SSBP2: variants seen among roughly 807,000 people sequenced by gnomAD.
SSBP2 encodes the protein single-stranded DNA-binding protein 2.
SSBP2 carries 17 observed loss-of-function variants against 61.8 expected under a neutral mutation model. That is an observed-to-expected ratio of 0.28 (90% CI 0.19 to 0.41). The LOEUF is 0.41. Among genes scored for constraint, SSBP2 ranks in the 10% least tolerant of loss-of-function variants. SSBP2 has a pLI of 1.00. For missense variants in SSBP2, 310 were observed against 458.7 expected (o/e 0.68, Z 2.96); for synonymous variants, 139 against 141.3 (o/e 0.98, Z 0.12).
At chr5:81,595,695 A>G (rs1743659507) in intron 4 of SSBP2, among the ~76,000 whole-genome samples, 1 of 152,224 alleles carries the variant, frequency 6.6e-6, no homozygotes, top group Non-Finnish European at 1.5e-5. Context: ...ACATATGCAA[A>G]TCAATAAATG....
intron 4 of SSBP2, among the ~76,000 whole-genome samples, chr5:81,602,145 A>T (rs1744427106): frequency 6.6e-6 from 1 of 152,044 alleles, no homozygotes; most frequent in East Asian, 1.9e-4. Context: ...CCTTTTCCAT[A>T]AAAAAAGTAG....
intron 4 of SSBP2, among the ~76,000 whole-genome samples, chr5:81,586,831 C>A (rs1178914404): frequency 6.6e-6 from 1 of 151,770 alleles, no homozygotes. Context: ...CACCTGCTTC[C>A]CTCTAGGAGT....
chr5:81,530,786 T>C (rs1400155186), intron 4 of SSBP2, among the ~76,000 whole-genome samples: 1 of 152,138 alleles, frequency 6.6e-6, no homozygotes, highest in Non-Finnish European at 1.5e-5. Flanking sequence ...AGGTGCACAG[T>C]AGCTGTTATA....
chr5:81,728,464 T>C (rs907224417), intron 1 of SSBP2, among the ~76,000 whole-genome samples: 5 of 152,212 alleles, frequency 3.3e-5, no homozygotes, highest in Admixed American at 1.3e-4. Context: ...ATAGAGAACA[T>C]TGGTCGAGGA....
intron 16 of SSBP2, among the ~76,000 whole-genome samples, chr5:81,422,205 G>A (rs532703009): frequency 1.1e-4 from 16 of 152,266 alleles, no homozygotes; most frequent in African/African-American, 2.4e-4. Flanking sequence ...AGGCGAGCAC[G>A]AACTTTTCAG....
chr5:81,678,811 A>G (rs915962093), intron 1 of SSBP2, among the ~76,000 whole-genome samples: 1 of 152,148 alleles, frequency 6.6e-6, no homozygotes, highest in African/African-American at 2.4e-5. Flanking sequence ...AGAATTCTAT[A>G]TCCTGTGAAA....
rs190969336 is a variant in SSBP2 at position 81,641,406 on chromosome 5, T to C, written c.136-4788A>G. Among the ~76,000 whole-genome samples, 317 of 152,314 alleles carry C rather than the reference T, an allele frequency of 2.1e-3. 2 individuals are homozygous for C. Among genetic ancestry groups the C allele is most frequent in the African/African-American group, 7.4e-3 (306 of 41,558 alleles). ...CATGCTCACAATATTTTTTACTACA[T>C]AGTATTCATCCTTCTCTCCTTAAAT... is the stretch of plus-strand genomic sequence containing the variant. On this transcript the variant is annotated intron_variant, in intron 2 of 16. Transcript: ENST00000320672.
At chr5:81,548,590 C>T (rs78435112) in intron 4 of SSBP2, among the ~76,000 whole-genome samples, 10,236 of 152,098 alleles carry the variant, frequency 0.067, 394 homozygotes, top group Middle Eastern at 0.11. Flanking sequence ...CCTCTTCTCC[C>T]GCGAACTTAC....
intron 4 of SSBP2, among the ~76,000 whole-genome samples, chr5:81,569,258 C>G (rs1242952673): frequency 6.6e-6 from 1 of 152,140 alleles, no homozygotes; most frequent in East Asian, 1.9e-4. Context: ...CCACCACAAT[C>G]AAGACATAAA....
chr5:81,500,500 C>T (rs1043164363), intron 5 of SSBP2, among the ~76,000 whole-genome samples: 4 of 151,616 alleles, frequency 2.6e-5, no homozygotes, highest in Admixed American at 6.6e-5. Flanking sequence ...CTCACTCTGT[C>T]GCCAGGCTGG....
intron 4 of SSBP2, among the ~76,000 whole-genome samples, chr5:81,515,067 T>G (rs188987848): frequency 1.3e-5 from 2 of 152,050 alleles, no homozygotes; most frequent in Non-Finnish European, 2.9e-5. Context: ...TATTGCTCTA[T>G]TGAGCTTTAT....
chr5:81,678,394 T>C (rs1162131677), intron 1 of SSBP2, among the ~76,000 whole-genome samples: 1 of 151,324 alleles, frequency 6.6e-6, no homozygotes, highest in Non-Finnish European at 1.5e-5. Flanking sequence ...AAAAAATAAA[T>C]AAAAAGAACA....
intron 7 of SSBP2, 152 bp downstream of exon 7, chr5:81,474,344 G>A (rs1331883708): frequency 1.6e-6 from 1 of 620,468 alleles, no homozygotes; most frequent in South Asian, 2.0e-5. Flanking sequence ...TAAGTGAGCT[G>A]GAAATATAAA....
chr5:81,612,608 A>G (rs1745560126), intron 4 of SSBP2, among the ~76,000 whole-genome samples: 1 of 152,098 alleles, frequency 6.6e-6, no homozygotes, highest in Non-Finnish European at 1.5e-5. Flanking sequence ...TTATGTGTCA[A>G]TATTCATTCA....
At chr5:81,513,889 G>A (rs1236777133) in intron 4 of SSBP2, among the ~76,000 whole-genome samples, 172 bp from the exon 5 acceptor site, 1 of 152,132 alleles carries the variant, frequency 6.6e-6, no homozygotes, top group Non-Finnish European at 1.5e-5. Flanking sequence ...TATATGACTG[G>A]TTAAATTAGT....
At position 81,466,982 on chromosome 5, in the gene SSBP2, T is replaced by G. The variant is rs769034279; in HGVS notation, c.630A>C (p.Gly210=). 6.2e-7 allele frequency: 1 copy of G among 1,605,888 alleles called. No individual in the cohort carries two copies. The highest frequency in any genetic ancestry group is 8.5e-7 in the Non-Finnish European group (1 of 1,173,880). The change falls in exon 9 of 17, where the codon GGA becomes GGC. Residue 210 remains glycine, a synonymous_variant. Transcript: ENST00000320672. ...GATATAACATTGCTTACATGTTCAT[T>G]CCAGGCATTCCAGGGCCACCTAAAG... is the stretch of plus-strand genomic sequence containing the variant.
chr5:81,513,401 CTTAA>C (rs1430501204), intron 5 of SSBP2, among the ~76,000 whole-genome samples: 2 of 151,966 alleles, frequency 1.3e-5, no homozygotes, highest in African/African-American at 4.8e-5. Flanking sequence ...CCTTTTCTTT[CTTAA>C]TTGAGCAACA....
intron 4 of SSBP2, among the ~76,000 whole-genome samples, chr5:81,602,716 A>G (rs1744490094): frequency 6.6e-6 from 1 of 152,102 alleles, no homozygotes; most frequent in African/African-American, 2.4e-5. Context: ...CTCTATCCAT[A>G]TATCATGAGA....
chr5:81,507,056 T>C (rs909552295), intron 5 of SSBP2, among the ~76,000 whole-genome samples: 7 of 151,894 alleles, frequency 4.6e-5, no homozygotes, highest in African/African-American at 1.7e-4. Flanking sequence ...GCGTTATTAC[T>C]ATGTCAAAGC....
Sources: gnomAD v4.1 joint callset for allele counts (sites outside exome capture counted in the v4.1 genomes callset) on GRCh38, gnomAD v4.1.1 for gene constraint, MANE v1.5 for transcripts, NCBI Gene and HGNC (gene_info 2026-07-23, HGNC 2026-07-21) for gene names.